Variants in NRP1 observed in about 807,000 individuals in gnomAD.
NRP1 encodes the protein neuropilin 1, also known as neuropilin-1.
NRP1 carries 35 observed loss-of-function variants against 106.7 expected under a neutral mutation model. That is an observed-to-expected ratio of 0.33 (90% CI 0.25 to 0.43). The LOEUF is 0.43. NRP1 is among the 20% of genes least tolerant of loss of function. The probability of loss-of-function intolerance (pLI) is 1.00; values close to 1 mark genes in which losing one functional copy is unlikely to be tolerated. For missense variants in NRP1, 1,024 were observed against 1,170.4 expected, an observed-to-expected ratio of 0.87 and a Z score of 1.83; for synonymous variants, 437 against 417.9, an observed-to-expected ratio of 1.05 and a Z score of -0.56.
intron 13 of NRP1, among the ~76,000 whole-genome samples, chr10:33,188,369 A>G (rs1045079235): frequency 2.0e-5 from 3 of 152,128 alleles, no homozygotes; most frequent in African/African-American, 4.8e-5. Context: ...ACTGCACCAT[A>G]ATCACTTCCC....
intron 4 of NRP1, among the ~76,000 whole-genome samples, chr10:33,258,785 T>C (rs1256925770): frequency 2.6e-5 from 4 of 152,138 alleles, no homozygotes; most frequent in Non-Finnish European, 4.4e-5. Flanking sequence ...CACGAAGTTG[T>C]CCATAACATA....
intron 3 of NRP1, among the ~76,000 whole-genome samples, chr10:33,268,232 C>T (rs1386049399): frequency 1.3e-5 from 2 of 152,116 alleles, no homozygotes; most frequent in Non-Finnish European, 2.9e-5. Context: ...AGCAGGACCT[C>T]AATCTTGCCC....
At position 33,189,278 on chromosome 10, in the gene NRP1, G is replaced by A. The variant is rs188336655; in HGVS notation, c.2063-2790C>T. On this transcript the variant is annotated intron_variant, in intron 13 of 16. Transcript: ENST00000374867. ...GCAAGGAGGTAGTTCCCAAAGTCAT[G>A]CACACTCTGCCTCTATCTAACTGCT... Among the ~76,000 whole-genome samples the A allele has an allele frequency of 1.8e-3, 280 of 152,244 alleles. 2 individuals are homozygous for A. Among genetic ancestry groups the A allele is most frequent in the Non-Finnish European group, 3.1e-3 (210 of 68,022 alleles).
chr10:33,320,705 T>C (rs1341686031), intron 2 of NRP1, among the ~76,000 whole-genome samples: 2 of 152,188 alleles, frequency 1.3e-5, no homozygotes, highest in African/African-American at 4.8e-5. Context: ...TATACCTCAT[T>C]TTGAGTTCAA....
intron 2 of NRP1, among the ~76,000 whole-genome samples, chr10:33,283,713 A>G (rs1203837010): frequency 6.6e-6 from 1 of 152,124 alleles, no homozygotes; most frequent in Non-Finnish European, 1.5e-5. Context: ...ACTCATGGAG[A>G]GAAGAAAGGA....
Position 33,213,369 on chromosome 10 carries a change from C to T in NRP1, c.1614+17G>A. On this transcript the variant is annotated intron_variant, in intron 9 of 16. Coordinates refer to ENST00000374867, the MANE Select transcript of NRP1 (RefSeq NM_003873.7). ...AAGGACATAAGGGATGACCTCCTCC[C>T]AGTCCCCAGCCCTCACCTTCGCCTT... The T allele has an allele frequency of 6.2e-7, 1 of 1,614,116 alleles. No individual in the cohort carries two copies. Among genetic ancestry groups the T allele is most frequent in the Non-Finnish European group, 8.5e-7 (1 of 1,180,032 alleles).
intron 15 of NRP1, among the ~76,000 whole-genome samples, chr10:33,184,655 C>A (rs1835891207): frequency 6.6e-6 from 1 of 152,204 alleles, no homozygotes; most frequent in Admixed American, 6.5e-5. Flanking sequence ...AATAGTGCAG[C>A]ACTAAGCAGA....
At chr10:33,232,291 C>T (rs965078008) in intron 6 of NRP1, among the ~76,000 whole-genome samples, 6 of 152,178 alleles carry the variant, frequency 3.9e-5, no homozygotes, top group Admixed American at 3.9e-4. Flanking sequence ...ATTAAGTAAC[C>T]TGCTTTCCCT....
At chr10:33,312,886 TGTG>T (rs1185745721) in intron 2 of NRP1, among the ~76,000 whole-genome samples, 30 of 152,218 alleles carry the variant, frequency 2.0e-4, no homozygotes, top group Non-Finnish European at 3.8e-4. Context: ...AAGCTACTTT[TGTG>T]TTAGTGATCA....
At chr10:33,223,163 G>T (rs1273530024) in intron 7 of NRP1, among the ~76,000 whole-genome samples, 1 of 152,220 alleles carries the variant, frequency 6.6e-6, no homozygotes, top group Non-Finnish European at 1.5e-5. Flanking sequence ...CTCACTCGAG[G>T]CATGCAGCTT....
Position 33,180,086 on chromosome 10 carries a change from G to A in NRP1, c.2762C>T (p.Ser921Leu). 1.9e-6 allele frequency: 3 copies of A among 1,613,914 alleles called. No individual in the cohort carries two copies. The South Asian group carries it at 3.3e-5, about 18-fold the overall frequency. Residue 921 changes from serine to leucine, a missense_variant, in exon 17 of 17, where the codon TCG (serine) becomes TTG (leucine). By Grantham distance (145) the Ser-to-Leu change is moderately radical. Around this residue, in one of 5 missense-constraint regions of NRP1, gnomAD observed 164 missense variants for 161.4 expected, o/e 1.02. Coordinates refer to ENST00000374867, the MANE Select transcript of NRP1 (RefSeq NM_003873.7). ...KDKLNTQSTY[S>L]EA ...CATCTCTGTCTGCCTTCATGCCTCC[G>A]AATAAGTACTCTGTGTATTCAGTTT...
chr10:33,323,623 C>T (rs1014957687), intron 2 of NRP1, among the ~76,000 whole-genome samples: 1 of 152,084 alleles, frequency 6.6e-6, no homozygotes, highest in African/African-American at 2.4e-5. Context: ...TCTCAAGGTG[C>T]AACGAACTGC....
In NRP1 at chr10:33,248,966, C is replaced by G. The variant is rs113873122; in HGVS notation, c.981+5062G>C. ...AATTTGGAGAAGAGTAGTTTCAGCC[C>G]GAGTTGGTTTGTCAAGTAATTTAAT... On this transcript the variant is annotated intron_variant, in intron 6 of 16. Transcript: ENST00000374867. Among the ~76,000 whole-genome samples, 222 of 152,046 alleles carry G rather than the reference C, an allele frequency of 1.5e-3. 1 individual carries two copies. The highest frequency in any genetic ancestry group is 4.5e-3 in the African/African-American group (187 of 41,458).
rs549404571 is a variant in NRP1, at chr10:33,296,872, T to C, written c.249-26016A>G. Among the ~76,000 whole-genome samples the C allele has an allele frequency of 2.0e-5, 3 of 151,850 alleles. No individual in the cohort carries two copies. In the East Asian group the frequency reaches 5.8e-4, roughly 30 times the overall value. ...GGCGAAACCCCGCCTCTACTAAAAA[T>C]ACAAAAATTAGCCGAGCATGGTGGT... On this transcript the variant is annotated intron_variant, in intron 2 of 16. Transcript: ENST00000374867.
At chr10:33,202,578 CTGAAAATA>C in intron 11 of NRP1, 2 of 1,423,278 alleles carry the variant, frequency 1.4e-6, no homozygotes, top group South Asian at 1.5e-5. Flanking sequence ...GGGGGGGGGT[CTGAAAATA>C]ATGAAAATAA....
chr10:33,299,565 G>A (rs1226135600), intron 2 of NRP1, among the ~76,000 whole-genome samples: 2 of 152,108 alleles, frequency 1.3e-5, no homozygotes, highest in Non-Finnish European at 2.9e-5. Context: ...GATTGCTTGC[G>A]GCCAGGAGGT....
At chr10:33,278,807 C>A (rs1843899695) in intron 2 of NRP1, among the ~76,000 whole-genome samples, 1 of 152,064 alleles carries the variant, frequency 6.6e-6, no homozygotes, top group Non-Finnish European at 1.5e-5. Context: ...AAAAATGTAA[C>A]CTTTAAGCTT....
At chr10:33,192,570 G>C (rs1836492924) in intron 12 of NRP1, 152 bp from the exon 13 acceptor site, 1 of 735,142 alleles carries the variant, frequency 1.4e-6, no homozygotes, top group African/African-American at 1.8e-5. Context: ...GGATTACCAA[G>C]AAACCAAAAG....
At chr10:33,267,476 G>A (rs1380975682) in intron 3 of NRP1, among the ~76,000 whole-genome samples, 1 of 152,170 alleles carries the variant, frequency 6.6e-6, no homozygotes, top group Non-Finnish European at 1.5e-5. Flanking sequence ...AATAAGGACA[G>A]AGAATAATAA....
Sources: allele counts gnomAD v4.1 joint callset (sites outside exome capture counted in the v4.1 genomes callset), GRCh38; gene constraint gnomAD v4.1.1; regional missense constraint gnomAD v4.1.1; transcripts MANE v1.5; gene names NCBI Gene and HGNC (gene_info 2026-07-23, HGNC 2026-07-21).